ALMS1: variants seen among roughly 807,000 people sequenced by gnomAD.
The protein encoded by ALMS1 is centrosome-associated protein ALMS1.
In ALMS1, 271 loss-of-function variants were observed where a neutral mutation model predicts 352.2. The observed-to-expected ratio is 0.77, with a 90% CI of 0.70 to 0.85. ALMS1 has a LOEUF of 0.85. Ranked by LOEUF, ALMS1 falls within the 40% of genes least tolerant of loss-of-function variation. The probability of loss-of-function intolerance (pLI) is 0.00; values close to 1 mark genes in which losing one functional copy is unlikely to be tolerated. For synonymous variants in ALMS1, 1,865 were observed against 1,761.2 expected (o/e 1.06, Z -1.48); for missense variants, 5,445 against 4,870.7 (o/e 1.12, Z -3.51).
At chr2:73,439,708 TTTTTG>T (rs1213153420) in intron 7 of ALMS1, among the ~76,000 whole-genome samples, 1 of 151,834 alleles carries the variant, frequency 6.6e-6, no homozygotes, top group Admixed American at 6.6e-5. Context: ...ACCAGGCTAA[TTTTTG>T]TATTTTTAGT....
chr2:73,423,896 G>A (rs116114031), intron 4 of ALMS1, among the ~76,000 whole-genome samples: 2,151 of 152,058 alleles, frequency 0.014, 47 homozygotes, highest in African/African-American at 0.05. Context: ...TCCTGCCTTA[G>A]CCTCCACAGC....
intron 10 of ALMS1, among the ~76,000 whole-genome samples, chr2:73,511,352 C>T (rs935142492): frequency 2.0e-4 from 30 of 152,066 alleles, no homozygotes; most frequent in Middle Eastern, 3.4e-3. Context: ...CTGTGGGTTT[C>T]GAAGACTGTG....
rs1558624684 is a variant in ALMS1, at chr2:73,385,990, T to C, written c.122T>C (p.Val41Ala). The change falls in exon 1 of 23, where the codon GTG becomes GCG. Residue 41 changes from valine to alanine, a missense_variant. Transcript: ENST00000613296. Reference sequence around the variant, plus strand: ...GCGGCGGCGAACGTGGACGACGTAGTGGTCGTGGAGGAGGTGGAGGAAGAG... The same window carrying C: ...GCGGCGGCGAACGTGGACGACGTAGCGGTCGTGGAGGAGGTGGAGGAAGAG... ...AAAAANVDDV[V>A]VVEEVEEEAG... The C allele has an allele frequency of 6.4e-7, 1 of 1,551,058 alleles. No homozygotes were observed. The highest frequency in any genetic ancestry group is 2.0e-5 in the Admixed American group (1 of 51,274).
chr2:73,491,346 G>A lies in ALMS1; in HGVS notation c.9387G>A (p.Gln3129=). The part of the protein sequence containing the change: ...PKSSLDFQVV[Q]PSLPDSNTIT... ...CTTCACTGGATTTCCAAGTCGTACA[G>A]CCTTCTCTTCCAGACAGTAACACTA... Residue 3129 remains glutamine (Q), a synonymous_variant, in exon 10 of 23, where the codon CAG becomes CAA. Transcript: ENST00000613296. The A allele has an allele frequency of 6.2e-7, 1 of 1,614,152 alleles. No homozygotes were observed. The highest frequency in any genetic ancestry group is 1.3e-5 in the African/African-American group (1 of 75,038).
At position 73,451,084 on chromosome 2, in the gene ALMS1, C is replaced by G; in HGVS notation, c.4557C>G (p.Thr1519=). The part of the protein sequence containing the change: ...VGQTTGAPTI[T]SPSYSQHRAK... ...AGACAACTGGCGCACCAACTATAAC[C>G]TCTCCTTCCTACTCACAACATAGAG... The change falls in exon 8 of 23, where the codon ACC becomes ACG. Residue 1519 remains threonine (T), a synonymous_variant. Coordinates refer to ENST00000613296, the MANE Select transcript of ALMS1 (RefSeq NM_001378454.1). The G allele has an allele frequency of 6.2e-7, 1 of 1,613,274 alleles. No individual in the cohort carries two copies. The highest frequency in any genetic ancestry group is 8.5e-7 in the Non-Finnish European group (1 of 1,179,806).
intron 10 of ALMS1, among the ~76,000 whole-genome samples, chr2:73,496,470 T>C (rs939298827): frequency 1.3e-5 from 2 of 152,216 alleles, no homozygotes; most frequent in Non-Finnish European, 2.9e-5. Flanking sequence ...ATTGAGTTTG[T>C]TTATCCATTC....
Position 73,491,493 on chromosome 2 carries a change from A to C in ALMS1, c.9534A>C (p.Ala3178=). Residue 3178 remains alanine, a synonymous_variant, in exon 10 of 23, where the codon GCA becomes GCC. Transcript: ENST00000613296. ...HSNPEGTPVF[A]DRLPEKMKTP... ...ATCCAGAGGGGACCCCAGTATTTGC[A>C]GATCGGTGAGTCTCATTGTGATAAC... 6.2e-7 allele frequency: 1 copy of C among 1,613,960 alleles called. No individual in the cohort carries two copies. The highest frequency in any genetic ancestry group is 8.5e-7 in the Non-Finnish European group (1 of 1,179,980).
At chr2:73,454,117 TAA>T in intron 8 of ALMS1, 50 bp downstream of exon 8, 1 of 1,555,618 alleles carries the variant, frequency 6.4e-7, no homozygotes. Context: ...ATAATGTGTT[TAA>T]AGTTAGATAT....
At chr2:73,492,190 A>G (rs1673004245) in intron 10 of ALMS1, among the ~76,000 whole-genome samples, 1 of 152,226 alleles carries the variant, frequency 6.6e-6, no homozygotes. Flanking sequence ...CTCTTATGAT[A>G]TGGTGAAGCA....
intron 9 of ALMS1, among the ~76,000 whole-genome samples, chr2:73,482,410 G>C (rs930693920): frequency 2.6e-5 from 4 of 152,162 alleles, no homozygotes; most frequent in Admixed American, 1.3e-4. Flanking sequence ...AACCAGCCTT[G>C]CATCCCAGGG....
At chr2:73,447,502 T>G (rs1234670520) in intron 7 of ALMS1, among the ~76,000 whole-genome samples, 1 of 152,080 alleles carries the variant, frequency 6.6e-6, no homozygotes, top group Non-Finnish European at 1.5e-5. Context: ...CTGTGGGACT[T>G]GGGGGCAGGA....
intron 16 of ALMS1, among the ~76,000 whole-genome samples, chr2:73,592,442 A>G (rs1675453219): frequency 6.6e-6 from 1 of 152,238 alleles, no homozygotes; most frequent in African/African-American, 2.4e-5. Context: ...ACACAGTTCT[A>G]TAAACTTTTC....
intron 13 of ALMS1, among the ~76,000 whole-genome samples, chr2:73,553,972 C>T (rs1674490537): frequency 6.6e-6 from 1 of 151,958 alleles, no homozygotes; most frequent in South Asian, 2.1e-4. Context: ...GGATATTGAT[C>T]CTAGAATAAA....
intron 1 of ALMS1, among the ~76,000 whole-genome samples, chr2:73,390,438 T>C (rs1042983468): frequency 1.3e-5 from 2 of 152,236 alleles, no homozygotes; most frequent in Non-Finnish European, 2.9e-5. Context: ...CATATCTCAC[T>C]AGATAATAAG....
intron 1 of ALMS1, among the ~76,000 whole-genome samples, chr2:73,391,923 T>C (rs1254132329): frequency 6.6e-6 from 1 of 152,176 alleles, no homozygotes; most frequent in Admixed American, 6.5e-5. Flanking sequence ...GTAGTCTATA[T>C]ATGTTCTCCT....
intron 21 of ALMS1, among the ~76,000 whole-genome samples, 172 bp from the exon 22 acceptor site, chr2:73,608,303 C>G (rs1675863321): frequency 6.6e-6 from 1 of 152,116 alleles, no homozygotes; most frequent in Non-Finnish European, 1.5e-5. Flanking sequence ...GATTGTGAGC[C>G]CCGGGCTAGG....
intron 9 of ALMS1, among the ~76,000 whole-genome samples, chr2:73,479,497 C>CT (rs1294987733): frequency 1.3e-5 from 2 of 152,240 alleles, no homozygotes; most frequent in African/African-American, 4.8e-5. Context: ...TTGTATTGGC[C>CT]TTTTTTTCAC....
At chr2:73,403,894 C>T (rs898185848) in intron 1 of ALMS1, among the ~76,000 whole-genome samples, 3 of 151,936 alleles carry the variant, frequency 2.0e-5, no homozygotes, top group Non-Finnish European at 4.4e-5. Context: ...TGCGGCTTTA[C>T]TGGGTTTATT....
chr2:73,557,370 T>C lies in ALMS1; in HGVS notation c.10213+16T>C, dbSNP rs777742705. 2 of 1,613,910 alleles carry C rather than the reference T, an allele frequency of 1.2e-6. No homozygotes were observed. Among genetic ancestry groups the C allele is most frequent in the East Asian group, 2.2e-5 (1 of 44,870 alleles). ...GATACTGCAGGTAGCTAAACTGGAT[T>C]GTCTGCGTATTATTTTCTTCTGGTC... On this transcript the variant is annotated intron_variant, in intron 14 of 22. Transcript: ENST00000613296.
Sources: gnomAD v4.1 joint callset for allele counts (sites outside exome capture counted in the v4.1 genomes callset) on GRCh38, gnomAD v4.1.1 for gene constraint, MANE v1.5 for transcripts, NCBI Gene and HGNC (gene_info 2026-07-23, HGNC 2026-07-21) for gene names.